The following HECW2 variants were observed in gnomAD, a reference collection of about 807,000 sequenced individuals.
HECW2 encodes the protein E3 ubiquitin-protein ligase HECW2.
HECW2 carries 61 observed loss-of-function variants against 175.2 expected under a neutral mutation model. That is an observed-to-expected ratio of 0.35 (90% CI 0.28 to 0.43). The LOEUF (loss-of-function observed/expected upper bound fraction) is 0.43, where lower values mean the gene tolerates loss of function less well. Ranked by LOEUF, HECW2 falls within the 20% of genes least tolerant of loss-of-function variation. HECW2 has a pLI of 1.00. For synonymous variants in HECW2, 671 were observed against 731.0 expected (o/e 0.92, Z 1.32); for missense variants, 1,524 against 2,000.5 (o/e 0.76, Z 4.54).
chr2:196,223,532 A>G (rs1414633759), intron 23 of HECW2, among the ~76,000 whole-genome samples: 1 of 152,230 alleles, frequency 6.6e-6, no homozygotes, highest in Non-Finnish European at 1.5e-5. Context: ...AACTCCAAGC[A>G]TATCAGCAGT....
chr2:196,235,446 G>C (rs1688211585), intron 21 of HECW2, among the ~76,000 whole-genome samples: 1 of 151,632 alleles, frequency 6.6e-6, no homozygotes, highest in South Asian at 2.1e-4. Flanking sequence ...TAGTATTGTG[G>C]GGCTAATTCT....
intron 1 of HECW2, among the ~76,000 whole-genome samples, chr2:196,590,613 C>T (rs1691155072): frequency 6.6e-6 from 1 of 152,176 alleles, no homozygotes; most frequent in South Asian, 2.1e-4. Context: ...TACACAGATA[C>T]CAACCATATA....
chr2:196,222,480 C>T, intron 23 of HECW2, 140 bp from the exon 24 acceptor site: 1 of 722,792 alleles, frequency 1.4e-6, no homozygotes, highest in Non-Finnish European at 2.2e-6. Context: ...GTTCTTAGTC[C>T]AAGTCCAGTA....
In HECW2 at chr2:196,488,178, T is replaced by C. The variant is rs189241257; in HGVS notation, c.-35-54720A>G. On this transcript the variant is annotated intron_variant, in intron 1 of 28. Coordinates refer to ENST00000644978, the MANE Select transcript of HECW2 (RefSeq NM_001348768.2). ...GCTTGCTAATATTCTCCAAGGTGTCTATTATGATCCCATTTCTCAAAGGCG... is the reference window on the plus strand; with the variant it reads ...GCTTGCTAATATTCTCCAAGGTGTCCATTATGATCCCATTTCTCAAAGGCG... 4.3e-4 allele frequency among the ~76,000 whole-genome samples: 66 copies of C among 152,346 alleles called. 1 individual carries two copies. The highest frequency in any genetic ancestry group is 4.0e-3 in the Admixed American group (61 of 15,306).
At chr2:196,539,936 T>A (rs911207427) in intron 1 of HECW2, among the ~76,000 whole-genome samples, 2 of 152,232 alleles carry the variant, frequency 1.3e-5, no homozygotes, top group Non-Finnish European at 2.9e-5. Flanking sequence ...TATCTTTTGT[T>A]TTGTTTTTCC....
At chr2:196,446,400 A>G (rs1696187056) in intron 1 of HECW2, among the ~76,000 whole-genome samples, 1 of 152,106 alleles carries the variant, frequency 6.6e-6, no homozygotes, top group Non-Finnish European at 1.5e-5. Context: ...ATATTGTAAT[A>G]TACAGTATGA....
chr2:196,498,657 T>G (rs1475980134), intron 1 of HECW2, among the ~76,000 whole-genome samples: 2 of 152,176 alleles, frequency 1.3e-5, no homozygotes, highest in Non-Finnish European at 2.9e-5. Context: ...ATCACCTTTG[T>G]AAAACTAATG....
intron 2 of HECW2, among the ~76,000 whole-genome samples, chr2:196,356,301 T>C (rs1477614641): frequency 6.6e-6 from 1 of 152,216 alleles, no homozygotes; most frequent in African/African-American, 2.4e-5. Context: ...GAAATTTGTC[T>C]AGGATGATAA....
chr2:196,387,785 G>C (rs1694392119), intron 2 of HECW2, among the ~76,000 whole-genome samples: 1 of 152,198 alleles, frequency 6.6e-6, no homozygotes, highest in Non-Finnish European at 1.5e-5. Flanking sequence ...ACTGGGGTCT[G>C]TGTGGTGAGT....
intron 1 of HECW2, among the ~76,000 whole-genome samples, chr2:196,448,573 A>G (rs1696254792): frequency 6.6e-6 from 1 of 152,232 alleles, no homozygotes; most frequent in Non-Finnish European, 1.5e-5. Flanking sequence ...AACAGGAGCC[A>G]AGCAGCCTCC....
At position 196,235,717 on chromosome 2, in the gene HECW2, G is replaced by A. The variant is rs190928082; in HGVS notation, c.3764+4732C>T. Among the ~76,000 whole-genome samples the A allele has an allele frequency of 6.7e-3, 961 of 142,948 alleles. 10 individuals carry two copies. Among genetic ancestry groups the A allele is most frequent in the East Asian group, 0.043 (194 of 4,564 alleles). 93.8% of individuals were successfully genotyped at this position (142,948 alleles called of 152,430 possible). ...GTCGCCCTGGCTGGAGTGCAGTGGC[G>A]TGATCTCGGCTCACTGCAAGCTCCG... is the stretch of plus-strand genomic sequence containing the variant. On this transcript the variant is annotated intron_variant, in intron 21 of 28. Transcript: ENST00000644978.
chr2:196,514,187 TAGTGC>T (rs1224624422), intron 1 of HECW2, among the ~76,000 whole-genome samples: 1 of 152,226 alleles, frequency 6.6e-6, no homozygotes, highest in Non-Finnish European at 1.5e-5. Context: ...TCCCTGCTTC[TAGTGC>T]CCACTCCAAT....
intron 2 of HECW2, among the ~76,000 whole-genome samples, chr2:196,411,473 T>C (rs567292449): frequency 3.7e-4 from 56 of 152,314 alleles, no homozygotes; most frequent in East Asian, 2.3e-3. Context: ...CCTGTTTCAA[T>C]ACAAAGGTCT....
intron 1 of HECW2, among the ~76,000 whole-genome samples, chr2:196,527,424 A>G (rs1051872986): frequency 1.3e-5 from 2 of 152,208 alleles, no homozygotes; most frequent in African/African-American, 4.8e-5. Context: ...GGAAATGCAG[A>G]AATCACCCTT....
chr2:196,427,855 C>T (rs1347539117), intron 2 of HECW2, among the ~76,000 whole-genome samples: 1 of 152,184 alleles, frequency 6.6e-6, no homozygotes, highest in African/African-American at 2.4e-5. Flanking sequence ...TGTGTTCACA[C>T]CCAAAGTCTT....
chr2:196,474,975 G>A (rs1025476082), intron 1 of HECW2, among the ~76,000 whole-genome samples: 4 of 152,090 alleles, frequency 2.6e-5, no homozygotes, highest in South Asian at 2.1e-4. Context: ...TGGGCCCAGC[G>A]AGCAGCATCG....
intron 2 of HECW2, among the ~76,000 whole-genome samples, chr2:196,411,906 A>G (rs1431772175): frequency 1.3e-5 from 2 of 152,244 alleles, no homozygotes; most frequent in African/African-American, 4.8e-5. Flanking sequence ...GCTACTTGGG[A>G]GGCTGAAGCA....
intron 21 of HECW2, among the ~76,000 whole-genome samples, chr2:196,232,987 G>A (rs926124035): frequency 1.3e-5 from 2 of 152,228 alleles, no homozygotes; most frequent in African/African-American, 4.8e-5. Context: ...GCTTAGAACT[G>A]CCTATCTGAG....
At chr2:196,388,932 A>G (rs2125177133) in intron 2 of HECW2, among the ~76,000 whole-genome samples, 1 of 152,338 alleles carries the variant, frequency 6.6e-6, no homozygotes, top group African/African-American at 2.4e-5. Context: ...ATTTGGAAGC[A>G]TGGTTACTGC....
Sources: allele counts gnomAD v4.1 joint callset (sites outside exome capture counted in the v4.1 genomes callset), GRCh38; gene constraint gnomAD v4.1.1; transcripts MANE v1.5; gene names NCBI Gene and HGNC (gene_info 2026-07-23, HGNC 2026-07-21).